CHD9: variants seen among roughly 807,000 people sequenced by gnomAD.
CHD9 encodes ATP-dependent chromatin remodeler CHD9.
CHD9 carries 77 observed loss-of-function variants against 316.1 expected under a neutral mutation model. That is an observed-to-expected ratio of 0.24 (90% CI 0.20 to 0.29). CHD9 has a LOEUF of 0.29. CHD9 is among the 10% of genes least tolerant of loss of function. The pLI is 1.00. For missense variants in CHD9, 2,763 were observed against 3,438.1 expected (o/e 0.80, Z 4.91); for synonymous variants, 1,129 against 1,158.3 (o/e 0.97, Z 0.51).
chr16:53,283,670 A>G (rs2053609429), intron 24 of CHD9, among the ~76,000 whole-genome samples: 2 of 152,150 alleles, frequency 1.3e-5, no homozygotes, highest in South Asian at 4.1e-4. Flanking sequence ...AAAAATAAAT[A>G]TCTCTTTTTA....
intron 2 of CHD9, among the ~76,000 whole-genome samples, chr16:53,164,446 G>C (rs1395652530): frequency 6.6e-6 from 1 of 152,008 alleles, no homozygotes; most frequent in African/African-American, 2.4e-5. Context: ...GGGAGTGATG[G>C]TGTGCACCTG....
At chr16:53,275,121 T>C (rs1299914585) in intron 24 of CHD9, among the ~76,000 whole-genome samples, 1 of 152,170 alleles carries the variant, frequency 6.6e-6, no homozygotes, top group Non-Finnish European at 1.5e-5. Context: ...AACCTCCATC[T>C]CCCAGGTGCA....
In CHD9 at chr16:53,270,974, G is replaced by A. The variant is rs2052200952; in HGVS notation, c.4718-2652G>A. On this transcript the variant is annotated intron_variant, in intron 22 of 38. Transcript: ENST00000447540. ...TTTTTTCTCTGGAAAGAGTAAAATA[G>A]AAGTCTGGATTGCACTGGTAGTTGA... 2.0e-5 allele frequency among the ~76,000 whole-genome samples: 3 copies of A among 152,246 alleles called. No individual in the cohort carries two copies. The South Asian group carries it at 6.2e-4, about 32-fold the overall frequency.
At chr16:53,270,000 CTTTATT>C (rs1467730266) in intron 22 of CHD9, among the ~76,000 whole-genome samples, 1 of 151,706 alleles carries the variant, frequency 6.6e-6, no homozygotes, top group African/African-American at 2.4e-5. Context: ...GGTCTGGGGA[CTTTATT>C]TTTATTTTTA....
intron 19 of CHD9, among the ~76,000 whole-genome samples, chr16:53,262,279 A>G (rs968943096): frequency 3.3e-5 from 5 of 152,182 alleles, no homozygotes; most frequent in African/African-American, 7.2e-5. Flanking sequence ...TTTAAATTGT[A>G]AATAATGGTT....
chr16:53,174,439 C>T (rs2042970251), intron 2 of CHD9, among the ~76,000 whole-genome samples: 1 of 151,976 alleles, frequency 6.6e-6, no homozygotes, highest in Admixed American at 6.6e-5. Flanking sequence ...ACATGTTTTA[C>T]ATTTGTTTAC....
chr16:53,193,950 T>A (rs1224885291), intron 2 of CHD9, among the ~76,000 whole-genome samples: 1 of 152,224 alleles, frequency 6.6e-6, no homozygotes, highest in African/African-American at 2.4e-5. Flanking sequence ...ATATTACTGT[T>A]GTAAAATTAC....
intron 24 of CHD9, among the ~76,000 whole-genome samples, chr16:53,281,215 A>T (rs2053384006): frequency 6.6e-6 from 1 of 152,010 alleles, no homozygotes. Context: ...CAACATTTCC[A>T]CTTAAATGAC....
intron 1 of CHD9, among the ~76,000 whole-genome samples, chr16:53,155,540 A>G (rs2041458556): frequency 1.3e-5 from 2 of 152,254 alleles, no homozygotes; most frequent in African/African-American, 4.8e-5. Context: ...TTATTGAGAT[A>G]TAATTCAGAT....
intron 3 of CHD9, among the ~76,000 whole-genome samples, chr16:53,213,807 C>A (rs1268798345): frequency 6.6e-6 from 1 of 152,244 alleles, no homozygotes; most frequent in East Asian, 1.9e-4. Flanking sequence ...GATTTTCTGG[C>A]TGACATAAGT....
intron 1 of CHD9, among the ~76,000 whole-genome samples, chr16:53,110,631 T>C (rs1395034115): frequency 1.3e-5 from 2 of 152,024 alleles, no homozygotes; most frequent in African/African-American, 4.8e-5. Context: ...GGCGTGCTGG[T>C]GTGCACCTGT....
intron 2 of CHD9, among the ~76,000 whole-genome samples, chr16:53,194,789 C>A (rs2044754557): frequency 6.6e-6 from 1 of 152,142 alleles, no homozygotes; most frequent in South Asian, 2.1e-4. Context: ...TAAGGTAATT[C>A]TCAGGCCTCT....
rs1422237630 is a variant in CHD9 at position 53,255,727 on chromosome 16, G to A, written c.4157G>A (p.Arg1386His). 3.7e-6 allele frequency: 6 copies of A among 1,613,680 alleles called. No homozygotes were observed. The highest frequency in any genetic ancestry group is 4.2e-6 in the Non-Finnish European group (5 of 1,179,806). ...GATATCGATCAGATTTTACTACGTCGTACAAAAACTATTACAATTGAATCA... is the reference window on the plus strand; with the variant it reads ...GATATCGATCAGATTTTACTACGTCATACAAAAACTATTACAATTGAATCA... ...EEDIDQILLR[R>H]TKTITIESEG... Residue 1386 changes from arginine (R) to histidine (H), a missense_variant, in exon 19 of 39, where the codon CGT becomes CAT. Arg to His is a conservative substitution (Grantham distance 29, BLOSUM62 0). This residue lies in a region of CHD9 where 199 missense variants were observed against 251.7 expected (regional missense o/e 0.79). Coordinates refer to ENST00000447540, the MANE Select transcript of CHD9 (RefSeq NM_001308319.2).
intron 2 of CHD9, among the ~76,000 whole-genome samples, chr16:53,207,731 T>A (rs2045995000): frequency 6.6e-6 from 1 of 152,238 alleles, no homozygotes; most frequent in Admixed American, 6.5e-5. Flanking sequence ...ATTTTGTTTT[T>A]TTAAAATATT....
chr16:53,307,775 T>G lies in CHD9; in HGVS notation c.6875T>G (p.Val2292Gly). ...AGAAGAAGTTATGATGCTAACACAG[T>G]GGCTTCTTTCTATACCACAAAACTG... ...SARRSYDANT[V>G]ASFYTTKLLD... Residue 2292 changes from valine (V) to glycine (G), a missense_variant, in exon 33 of 39, where the codon GTG (valine) becomes GGG (glycine). Val to Gly is a moderately radical substitution (Grantham distance 109). This residue lies in a region of CHD9 where 663 missense variants were observed against 751.2 expected (regional missense o/e 0.88). Coordinates refer to ENST00000447540, the MANE Select transcript of CHD9 (RefSeq NM_001308319.2). 6.2e-7 allele frequency: 1 copy of G among 1,613,268 alleles called. No individual in the cohort carries two copies. Among genetic ancestry groups the G allele is most frequent in the Non-Finnish European group, 8.5e-7 (1 of 1,179,602 alleles).
chr16:53,222,840 T>C, intron 4 of CHD9, 85 bp downstream of exon 4: 1 of 635,868 alleles, frequency 1.6e-6, no homozygotes, highest in African/African-American at 1.9e-5. Context: ...ATTTACACTT[T>C]AGTTAGAAGT....
In CHD9 at chr16:53,156,745, C is replaced by A. The variant is rs755727985; in HGVS notation, c.656C>A (p.Ala219Glu). Residue 219 changes from alanine to glutamate, a missense_variant, in exon 2 of 39, where the codon GCA (alanine) becomes GAA (glutamate). Coordinates refer to ENST00000447540, the MANE Select transcript of CHD9 (RefSeq NM_001308319.2). ...NVNHPPQMTNASNSQQSISMQ... is the reference protein window; with the variant it reads ...NVNHPPQMTNESNSQQSISMQ... ...AACCACCCACCACAGATGACTAATGCATCTAATTCACAACAGTCTATTTCA... is the reference window on the plus strand; with the variant it reads ...AACCACCCACCACAGATGACTAATGAATCTAATTCACAACAGTCTATTTCA... The A allele has an allele frequency of 6.2e-7, 1 of 1,613,642 alleles. No individual in the cohort carries two copies. The highest frequency in any genetic ancestry group is 8.5e-7 in the Non-Finnish European group (1 of 1,179,616).
At chr16:53,305,275 G>A (rs1053950257) in intron 31 of CHD9, among the ~76,000 whole-genome samples, 4 of 151,828 alleles carry the variant, frequency 2.6e-5, no homozygotes, top group Admixed American at 6.6e-5. Context: ...TGGCCAGGCT[G>A]GTCTCGAACT....
chr16:53,235,464 G>T (rs1401846668), intron 11 of CHD9, among the ~76,000 whole-genome samples, 158 bp downstream of exon 11: 1 of 152,194 alleles, frequency 6.6e-6, no homozygotes, highest in East Asian at 1.9e-4. Context: ...TGCAACTTAG[G>T]TTTCAACTAC....
Sources: allele counts gnomAD v4.1 joint callset (sites outside exome capture counted in the v4.1 genomes callset), GRCh38; gene constraint gnomAD v4.1.1; regional missense constraint gnomAD v4.1.1; transcripts MANE v1.5; gene names NCBI Gene and HGNC (gene_info 2026-07-23, HGNC 2026-07-21).